FBXW8: variants seen among roughly 807,000 people sequenced by gnomAD.
The protein encoded by FBXW8 is F-box/WD repeat-containing protein 8.
In FBXW8, 57 loss-of-function variants were observed where a neutral mutation model predicts 65.3. The ratio of observed to expected loss-of-function variants is 0.87; its 90% CI spans 0.71 to 1.09. The LOEUF (loss-of-function observed/expected upper bound fraction) is 1.09. FBXW8 is among the 50% of genes least tolerant of loss of function. The pLI, the probability that FBXW8 is intolerant of heterozygous loss-of-function variation, is 0.00. For missense variants in FBXW8, 777 were observed against 814.8 expected, an observed-to-expected ratio of 0.95 and a Z score of 0.57; for synonymous variants, 308 against 330.2, an observed-to-expected ratio of 0.93 and a Z score of 0.73.
chr12:116,955,506 C>T (rs959731265), intron 4 of FBXW8, among the ~76,000 whole-genome samples: 2 of 152,122 alleles, frequency 1.3e-5, no homozygotes, highest in African/African-American at 2.4e-5. Flanking sequence ...GAAATGCTAG[C>T]GAGGTTTAGT....
chr12:116,918,345 G>A (rs1373344387), intron 1 of FBXW8, among the ~76,000 whole-genome samples: 1 of 152,136 alleles, frequency 6.6e-6, no homozygotes, highest in African/African-American at 2.4e-5. Context: ...TTTAGGTGGT[G>A]TATCAGGACT....
chr12:117,026,209 C>T (rs1954223213), intron 9 of FBXW8, among the ~76,000 whole-genome samples: 2 of 152,232 alleles, frequency 1.3e-5, no homozygotes, highest in Admixed American at 1.3e-4. Flanking sequence ...AGGCCTCCAC[C>T]AAGCCTGCCC....
chr12:116,963,712 G>T (rs560991463), intron 4 of FBXW8, among the ~76,000 whole-genome samples: 1 of 152,308 alleles, frequency 6.6e-6, no homozygotes, highest in East Asian at 1.9e-4. Flanking sequence ...AATCTCAGAG[G>T]TTATCTCATC....
At chr12:116,955,986 G>A (rs1208710796) in intron 4 of FBXW8, among the ~76,000 whole-genome samples, 2 of 152,144 alleles carry the variant, frequency 1.3e-5, no homozygotes, top group African/African-American at 4.8e-5. Flanking sequence ...ATGCCCAGGA[G>A]TATGATGGTG....
intron 9 of FBXW8, among the ~76,000 whole-genome samples, chr12:117,025,685 G>T (rs749933641): frequency 5.3e-5 from 8 of 152,178 alleles, no homozygotes; most frequent in African/African-American, 1.9e-4. Flanking sequence ...AGGGCGCCTC[G>T]GCCCTTTTTC....
intron 8 of FBXW8, among the ~76,000 whole-genome samples, chr12:117,011,503 C>A (rs1953815775): frequency 6.6e-6 from 1 of 152,144 alleles, no homozygotes. Context: ...GAACTGAACT[C>A]CTCAGTGTGT....
intron 4 of FBXW8, chr12:116,950,509 A>G (rs1883205652): frequency 6.6e-6 from 1 of 152,236 alleles, no homozygotes; most frequent in Admixed American, 6.5e-5. Context: ...ACTCAGTAGT[A>G]GAGGAGTCCT....
chr12:116,957,094 C>T (rs1421265128), intron 4 of FBXW8, among the ~76,000 whole-genome samples: 1 of 152,146 alleles, frequency 6.6e-6, no homozygotes, highest in Non-Finnish European at 1.5e-5. Flanking sequence ...TGCCTGTAAT[C>T]CTAGCACTTT....
At chr12:116,998,993 C>T (rs144987879) in intron 7 of FBXW8, among the ~76,000 whole-genome samples, 6 of 152,282 alleles carry the variant, frequency 3.9e-5, no homozygotes, top group East Asian at 1.9e-4. Flanking sequence ...TAATTTCCTC[C>T]GCACTTCAGT....
At chr12:117,015,209 G>T (rs1953923831) in intron 8 of FBXW8, among the ~76,000 whole-genome samples, 1 of 152,146 alleles carries the variant, frequency 6.6e-6, no homozygotes, top group African/African-American at 2.4e-5. Flanking sequence ...AGAGGAAAAA[G>T]GGAAAAACAT....
chr12:116,939,857 C>T (rs1264956593), intron 2 of FBXW8, among the ~76,000 whole-genome samples: 1 of 152,186 alleles, frequency 6.6e-6, no homozygotes, highest in Non-Finnish European at 1.5e-5. Context: ...ATTGGTCTAT[C>T]CCTATCTGTG....
At chr12:116,923,551 G>A (rs186413434) in intron 1 of FBXW8, among the ~76,000 whole-genome samples, 2 of 150,490 alleles carry the variant, frequency 1.3e-5, no homozygotes, top group African/African-American at 4.9e-5. Flanking sequence ...ACAGAGTCTC[G>A]CTCGCTCTGT....
At chr12:117,003,449 A>G (rs1179012990) in intron 7 of FBXW8, among the ~76,000 whole-genome samples, 1 of 151,646 alleles carries the variant, frequency 6.6e-6, no homozygotes, top group Non-Finnish European at 1.5e-5. Flanking sequence ...AAGACTAGGT[A>G]CAGATTATTC....
chr12:117,023,985 GAC>G (rs1954161826), intron 8 of FBXW8, among the ~76,000 whole-genome samples, 160 bp from the exon 9 acceptor site: 1 of 152,218 alleles, frequency 6.6e-6, no homozygotes, highest in South Asian at 2.1e-4. Context: ...GGTCCTCCCT[GAC>G]AGTCTGTGCT....
At chr12:116,949,857 T>G in intron 4 of FBXW8, 151 bp downstream of exon 4, 2 of 735,076 alleles carry the variant, frequency 2.7e-6, no homozygotes, top group African/African-American at 1.7e-5. Flanking sequence ...GTCTCCGTGA[T>G]TCTGTTCCCA....
chr12:116,959,902 G>GA (rs1488888852), intron 4 of FBXW8, among the ~76,000 whole-genome samples: 1 of 152,164 alleles, frequency 6.6e-6, no homozygotes, highest in Non-Finnish European at 1.5e-5. Flanking sequence ...TCCTCATTTG[G>GA]AAAAGACTTC....
At chr12:116,967,645 A>G (rs1418484125) in intron 5 of FBXW8, among the ~76,000 whole-genome samples, 1 of 152,084 alleles carries the variant, frequency 6.6e-6, no homozygotes, top group Non-Finnish European at 1.5e-5. Context: ...TTTCTCTGCA[A>G]ATTGTTTGTT....
rs558060187 is a variant in FBXW8, at chr12:117,029,122, G to A, written c.*950G>A. ...CTAACAAGCTGGATCCAGTAGATGCGTATGGAATTTCAAATACACATAGAC... is the reference window on the plus strand; with the variant it reads ...CTAACAAGCTGGATCCAGTAGATGCATATGGAATTTCAAATACACATAGAC... On this transcript the variant is annotated 3_prime_UTR_variant, in exon 11 of 11. Coordinates refer to ENST00000652555, the MANE Select transcript of FBXW8 (RefSeq NM_153348.3). The A allele has an allele frequency of 6.6e-5, 10 of 152,296 alleles. No individual in the cohort carries two copies. The highest frequency in any genetic ancestry group is 1.9e-4 in the African/African-American group (8 of 41,540). The allele number at this position is 152,296 out of a possible 1,614,324, so 9.4% of individuals were successfully genotyped here. A position where few individuals can be genotyped will look rare whatever the true frequency, so the allele number is the denominator to read the frequency against.
At chr12:116,915,883 C>T (rs1251229393) in intron 1 of FBXW8, among the ~76,000 whole-genome samples, 1 of 151,932 alleles carries the variant, frequency 6.6e-6, no homozygotes, top group East Asian at 1.9e-4. Flanking sequence ...GAACTCCTGG[C>T]CTTGTGATCT....
Sources: gnomAD v4.1 joint callset for allele counts (sites outside exome capture counted in the v4.1 genomes callset) on GRCh38, gnomAD v4.1.1 for gene constraint, MANE v1.5 for transcripts, NCBI Gene and HGNC (gene_info 2026-07-23, HGNC 2026-07-21) for gene names.